The following RBFOX1 variants were observed in gnomAD, a reference collection of about 807,000 sequenced individuals.
RBFOX1 encodes the protein RNA binding protein fox-1 homolog 1.
Under a neutral mutation model 57.7 loss-of-function variants are expected in RBFOX1, and 8 were observed. The ratio of observed to expected loss-of-function variants is 0.14; its 90% confidence interval spans 0.08 to 0.25. The LOEUF (loss-of-function observed/expected upper bound fraction) is 0.25, where lower values mean the gene tolerates loss of function less well. Ranked by LOEUF, RBFOX1 falls within the 10% of genes least tolerant of loss-of-function variation. The pLI is 1.00. For synonymous variants in RBFOX1, 326 were observed against 222.4 expected, an observed-to-expected ratio of 1.47 and a Z score of -4.15; for missense variants, 611 against 548.5, an observed-to-expected ratio of 1.11 and a Z score of -1.14.
At chr16:7,408,799 T>A (rs868645794) in intron 4 of RBFOX1, among the ~76,000 whole-genome samples, 19 of 152,272 alleles carry the variant, frequency 1.2e-4, no homozygotes, top group African/African-American at 3.1e-4. Flanking sequence ...GTTGTGTTGT[T>A]ACTACCGAAA....
intron 4 of RBFOX1, among the ~76,000 whole-genome samples, chr16:7,466,059 C>G (rs1406502818): frequency 6.6e-6 from 1 of 152,154 alleles, no homozygotes; most frequent in Non-Finnish European, 1.5e-5. Context: ...TTGGAGTAAA[C>G]CTGCTCAGAG....
chr16:7,097,972 G>T (rs1005080258), intron 4 of RBFOX1, among the ~76,000 whole-genome samples: 50 of 152,156 alleles, frequency 3.3e-4, no homozygotes, highest in Non-Finnish European at 6.8e-4. Flanking sequence ...ATAATAGTGA[G>T]TGTTGTGAGG....
rs78588976 is a variant in RBFOX1 at position 6,181,610 on chromosome 16, G to A, written c.-126-135385G>A. 6.6e-4 allele frequency among the ~76,000 whole-genome samples: 101 copies of A among 152,196 alleles called. 1 individual carries two copies. Among genetic ancestry groups the A allele is most frequent in the African/African-American group, 2.2e-3 (90 of 41,538 alleles). On this transcript the variant is annotated intron_variant, in intron 1 of 15. Coordinates refer to ENST00000550418, the MANE Select transcript of RBFOX1 (RefSeq NM_018723.4). ...GAAAACTTGTTTTAAAACAGTAACC[G>A]TAGTCTATTCCTGTGGTGGGGGGGA...
intron 2 of RBFOX1, among the ~76,000 whole-genome samples, chr16:6,474,204 T>C (rs1036492260): frequency 2.6e-5 from 4 of 152,150 alleles, no homozygotes; most frequent in Non-Finnish European, 5.9e-5. Flanking sequence ...CATAGTACTA[T>C]TATCCAGTTT....
intron 3 of RBFOX1, among the ~76,000 whole-genome samples, chr16:6,935,503 G>C (rs918107212): frequency 1.3e-5 from 2 of 152,066 alleles, no homozygotes; most frequent in African/African-American, 4.8e-5. Flanking sequence ...ACATTTCAGG[G>C]TAATTTGTCT....
Position 7,205,053 on chromosome 16 carries a change from A to G in RBFOX1, c.27+152955A>G, listed in dbSNP as rs542861164. Among the ~76,000 whole-genome samples, 5 of 152,264 alleles carry G rather than the reference A, an allele frequency of 3.3e-5. No homozygotes were observed. In the South Asian group the frequency reaches 1.0e-3, roughly 32 times the overall value. Reference sequence around the variant, plus strand: ...GGTGGGAGTATGATGCCACTCCTCTATGAGATAGAGGTAGAAGTTACATGT... The same window carrying G: ...GGTGGGAGTATGATGCCACTCCTCTGTGAGATAGAGGTAGAAGTTACATGT... On this transcript the variant is annotated intron_variant, in intron 4 of 15. Transcript: ENST00000550418.
intron 3 of RBFOX1, among the ~76,000 whole-genome samples, chr16:7,049,592 C>T (rs7192745): frequency 0.093 from 14,158 of 152,122 alleles, 1,003 homozygotes; most frequent in East Asian, 0.27. Context: ...GATTTTCAGC[C>T]CTTGGCTACC....
intron 3 of RBFOX1, among the ~76,000 whole-genome samples, chr16:6,683,991 G>A (rs2154125186): frequency 6.6e-6 from 1 of 152,312 alleles, no homozygotes; most frequent in Admixed American, 6.5e-5. Context: ...ACCCCGACAT[G>A]TTACAAGGTG....
chr16:7,603,579 T>C (rs1006622793), intron 9 of RBFOX1, among the ~76,000 whole-genome samples: 2 of 152,224 alleles, frequency 1.3e-5, no homozygotes, highest in Admixed American at 1.3e-4. Context: ...TCCAGAGCCC[T>C]AAATAACATG....
At chr16:6,574,424 A>ATTTTTTTT (rs34505014) in intron 2 of RBFOX1, among the ~76,000 whole-genome samples, 26 of 89,908 alleles carry the variant, frequency 2.9e-4, no homozygotes, top group Non-Finnish European at 3.9e-4. Flanking sequence ...CGTATCTTCT[A>ATTTTTTTT]TTTTTTTTTT....
intron 3 of RBFOX1, among the ~76,000 whole-genome samples, chr16:5,738,524 C>T (rs1432906792): frequency 6.7e-6 from 1 of 149,664 alleles, no homozygotes; most frequent in Non-Finnish European, 1.5e-5. Flanking sequence ...ATCCCAGCTA[C>T]TCAGGAGGCT....
Position 7,648,880 on chromosome 16 carries a change from C to T in RBFOX1, c.758-4935C>T, listed in dbSNP as rs546274505. On this transcript the variant is annotated intron_variant, in intron 11 of 15. Coordinates refer to ENST00000550418, the MANE Select transcript of RBFOX1 (RefSeq NM_018723.4). ...CAACAAACTTGGTCCAAGCAGCCTC[C>T]CCTTGCTTGATTGAAATCATACTCT... Among the ~76,000 whole-genome samples, 4 of 152,268 alleles carry T rather than the reference C, an allele frequency of 2.6e-5. No individual in the cohort carries two copies. In the South Asian group the frequency reaches 8.3e-4, roughly 32 times the overall value.
chr16:5,448,735 T>C (rs2068329680), intron 1 of RBFOX1, among the ~76,000 whole-genome samples: 1 of 152,190 alleles, frequency 6.6e-6, no homozygotes, highest in Non-Finnish European at 1.5e-5. Context: ...GGTAATAAAT[T>C]AGCTGAGCAC....
chr16:6,781,647 C>A (rs147804748), intron 3 of RBFOX1, among the ~76,000 whole-genome samples: 2 of 152,146 alleles, frequency 1.3e-5, no homozygotes, highest in South Asian at 4.1e-4. Context: ...ATGTTTCAAT[C>A]TTTGTAGTTT....
At position 6,748,265 on chromosome 16, in the gene RBFOX1, TTCTC is replaced by T. The variant is rs139506841; in HGVS notation, c.-16+93629_-16+93632del. Reference sequence around the variant, plus strand: ...ATACAGACCCAGCCTTCTTTTCTCTTTCTCTCTCTCTCTCTCTACACACACACAC... The same window carrying T: ...ATACAGACCCAGCCTTCTTTTCTCTTTCTCTCTCTCTCTACACACACACAC... On this transcript the variant is annotated intron_variant, in intron 3 of 15. Transcript: ENST00000550418. 2.3e-4 allele frequency among the ~76,000 whole-genome samples: 35 copies of T among 150,332 alleles called. 1 individual carries two copies. In the East Asian group the frequency reaches 5.5e-3, roughly 23 times the overall value.
At chr16:7,240,586 A>T (rs568561125) in intron 4 of RBFOX1, among the ~76,000 whole-genome samples, 2 of 151,966 alleles carry the variant, frequency 1.3e-5, no homozygotes, top group South Asian at 4.2e-4. Context: ...ACAGGGTCTC[A>T]CTTTGTCACC....
chr16:7,028,089 G>A (rs1597397563), intron 3 of RBFOX1, among the ~76,000 whole-genome samples: 1 of 152,206 alleles, frequency 6.6e-6, no homozygotes, highest in East Asian at 1.9e-4. Flanking sequence ...TTTCTCATTT[G>A]CCTGTTACTT....
At chr16:5,825,768 TATTCCTTAATATGAATAAGGAATAA>T (rs2056018843) in intron 3 of RBFOX1, among the ~76,000 whole-genome samples, 3 of 148,090 alleles carry the variant, frequency 2.0e-5, no homozygotes, top group Non-Finnish European at 4.5e-5. Context: ...TAAGGAATAA[TATTCCTTAATATGAATAAGGAATAA>T]TATTCCTTAA....
chr16:6,975,522 C>A (rs947566759), intron 3 of RBFOX1, among the ~76,000 whole-genome samples: 4 of 152,104 alleles, frequency 2.6e-5, no homozygotes, highest in African/African-American at 7.2e-5. Flanking sequence ...CTACCTTGGC[C>A]TCCCAAAGTG....
Sources: allele counts gnomAD v4.1 joint callset (sites outside exome capture counted in the v4.1 genomes callset), GRCh38; gene constraint gnomAD v4.1.1; transcripts MANE v1.5; gene names NCBI Gene and HGNC (gene_info 2026-07-23, HGNC 2026-07-21).